IL16: variants seen among roughly 807,000 people sequenced by gnomAD.
IL16 encodes the protein interleukin 16.
A neutral mutation model predicts 110.1 loss-of-function variants in IL16; 67 were observed. The observed-to-expected ratio is 0.61, with a 90% confidence interval of 0.50 to 0.75. The LOEUF (loss-of-function observed/expected upper bound fraction) is 0.75. Among genes scored for constraint, IL16 ranks in the 30% least tolerant of loss-of-function variants. The probability of loss-of-function intolerance (pLI) is 0.00; values close to 1 mark genes in which losing one functional copy is unlikely to be tolerated. For synonymous variants in IL16, 689 were observed against 662.9 expected (o/e 1.04, Z -0.61); for missense variants, 1,545 against 1,655.0 (o/e 0.93, Z 1.15).
At position 81,265,642 on chromosome 15, in the gene IL16, T is replaced by G. The variant is rs374966425; in HGVS notation, c.422-17T>G. 7 of 1,612,238 alleles carry G rather than the reference T, an allele frequency of 4.3e-6. No homozygotes were observed. Among genetic ancestry groups the G allele is most frequent in the African/African-American group, 4.0e-5 (3 of 74,866 alleles). ...GAGCACAAATGATTTCTTGCTGTTT[T>G]TCCTCTTCTGGTTTAGGTGTTAATC... On this transcript the variant is annotated splice_polypyrimidine_tract_variant and intron_variant, in intron 3 of 18. Coordinates refer to ENST00000683961, the MANE Select transcript of IL16 (RefSeq NM_172217.5).
intron 1 of IL16, among the ~76,000 whole-genome samples, chr15:81,202,940 A>G (rs1895874114): frequency 6.6e-6 from 1 of 151,834 alleles, no homozygotes; most frequent in African/African-American, 2.4e-5. Flanking sequence ...CAGTCCCACC[A>G]ACAGTGTAAA....
intron 8 of IL16, among the ~76,000 whole-genome samples, chr15:81,281,400 C>T (rs1417915213): frequency 6.6e-6 from 1 of 152,238 alleles, no homozygotes; most frequent in Non-Finnish European, 1.5e-5. Flanking sequence ...TCCTCTCCCA[C>T]ACACTGGGGG....
chr15:81,298,717 C>T (rs929391440), intron 13 of IL16, among the ~76,000 whole-genome samples: 1 of 152,166 alleles, frequency 6.6e-6, no homozygotes, highest in East Asian at 1.9e-4. Flanking sequence ...ACTCCTTTGC[C>T]GAGAGCAAGC....
Position 81,273,218 on chromosome 15 carries a change from C to G in IL16, c.790+14C>G. 18 of 1,564,094 alleles carry G rather than the reference C, an allele frequency of 1.2e-5. No homozygotes were observed. The highest frequency in any genetic ancestry group is 1.5e-5 in the Non-Finnish European group (17 of 1,140,318). On this transcript the variant is annotated intron_variant, in intron 6 of 18. Coordinates refer to ENST00000683961, the MANE Select transcript of IL16 (RefSeq NM_172217.5). ...GGCTACAGGAAGGTAGGCTTCCCAG[C>G]CCTTTTCAGACCATGGTGGAGGAAT...
rs768441598 is a variant in IL16 at position 81,225,310 on chromosome 15, G to A, written c.-90G>A. 7 of 1,542,538 alleles carry A rather than the reference G, an allele frequency of 4.5e-6. No homozygotes were observed. The highest frequency in any genetic ancestry group is 6.1e-6 in the Non-Finnish European group (7 of 1,148,750). On this transcript the variant is annotated 5_prime_UTR_variant, in exon 2 of 19. The change creates a new upstream start codon in the 5' untranslated region. Transcript: ENST00000683961. ...CCTCTTTCCTCTAGGGACTCATGAA[G>A]TGGCAGCTAAGCCCTGTCCAGTGGC...
At chr15:81,226,144 C>T (rs769401429) in intron 2 of IL16, among the ~76,000 whole-genome samples, 1 of 152,084 alleles carries the variant, frequency 6.6e-6, no homozygotes, top group Non-Finnish European at 1.5e-5. Context: ...TAAGGGGTGC[C>T]GGATGAGTGA....
chr15:81,220,202 T>G (rs1896567318), intron 1 of IL16, among the ~76,000 whole-genome samples: 1 of 152,178 alleles, frequency 6.6e-6, no homozygotes, highest in African/African-American at 2.4e-5. Flanking sequence ...TGCTGTGATT[T>G]CGGCTCACTG....
At chr15:81,306,300 G>A in intron 17 of IL16, 120 bp from the exon 18 acceptor site, 1 of 1,530,514 alleles carries the variant, frequency 6.5e-7, no homozygotes, top group South Asian at 1.2e-5. Flanking sequence ...CCTGAGACGT[G>A]TTTACATGTG....
rs139501935 is a variant in IL16 at position 81,303,501 on chromosome 15, C to G, written c.3319-48C>G. 2.4e-3 allele frequency: 3,105 copies of G among 1,269,322 alleles called. 6 individuals carry two copies. Among genetic ancestry groups the G allele is most frequent in the Non-Finnish European group, 2.8e-3 (2,432 of 868,910 alleles). 78.6% of individuals were successfully genotyped at this position (1,269,322 alleles called of 1,614,324 possible). A position where few individuals can be genotyped will look rare whatever the true frequency, so the allele number is the denominator to read the frequency against. ...GATGTCAGTCCGATGTTAAATTGTT[C>G]ATCCTCTTGCAGTAAAATGTTTTTG... On this transcript the variant is annotated intron_variant, in intron 15 of 18. Coordinates refer to ENST00000683961, the MANE Select transcript of IL16 (RefSeq NM_172217.5). The surrounding 1 kb of genome is among the most constrained non-coding windows in gnomAD (Gnocchi z 4.1).
Position 81,219,859 on chromosome 15 carries a change from G to A in IL16, c.-101-5440G>A, listed in dbSNP as rs1509552. On this transcript the variant is annotated intron_variant, in intron 1 of 18. Transcript: ENST00000683961. ...AGGGCCTCTGAAACACTCATCTGCC[G>A]TTCATTCACTGAACATGCAAATGCC... is the stretch of plus-strand genomic sequence containing the variant. Among the ~76,000 whole-genome samples the A allele has an allele frequency of 7.5e-3, 1,138 of 152,220 alleles. 16 individuals are homozygous for A. Among genetic ancestry groups the A allele is most frequent in the African/African-American group, 0.024 (983 of 41,516 alleles).
Position 81,271,876 on chromosome 15 carries a change from G to A in IL16, c.676-1214G>A, listed in dbSNP as rs539718698. ...CTCCCTACAGTGTCAAGAAGATGGA[G>A]GACAGCGTGTTGTCTCTGTGGCACG... On this transcript the variant is annotated intron_variant, in intron 5 of 18. Transcript: ENST00000683961. 8.5e-5 allele frequency among the ~76,000 whole-genome samples: 13 copies of A among 152,324 alleles called. No homozygotes were observed. In the South Asian group the frequency reaches 2.7e-3, roughly 32 times the overall value.
intron 2 of IL16, among the ~76,000 whole-genome samples, chr15:81,237,884 A>G (rs1897224762): frequency 6.6e-6 from 1 of 151,250 alleles, no homozygotes; most frequent in African/African-American, 2.4e-5. Context: ...TCTTTATTTT[A>G]TTTTTTAATT....
chr15:81,311,614 A>G lies in IL16; in HGVS notation c.*2816A>G, dbSNP rs530984344. 42 of 152,356 alleles carry G rather than the reference A, an allele frequency of 2.8e-4. No individual in the cohort carries two copies. Among genetic ancestry groups the G allele is most frequent in the African/African-American group, 9.6e-4 (40 of 41,568 alleles). The allele number at this position is 152,356 out of a possible 1,614,324, so 9.4% of individuals were successfully genotyped here. ...ACACAGGGATGTACAAGGCGATCCC[A>G]TCTTGATAAGACCACCACCTCAGAG... On this transcript the variant is annotated 3_prime_UTR_variant, in exon 19 of 19. Coordinates refer to ENST00000683961, the MANE Select transcript of IL16 (RefSeq NM_172217.5).
chr15:81,233,459 C>CTGTGTGTG (rs5814049), intron 2 of IL16, among the ~76,000 whole-genome samples: 41 of 143,460 alleles, frequency 2.9e-4, no homozygotes, highest in Middle Eastern at 7.2e-3. Flanking sequence ...TCTTCTCTTT[C>CTGTGTGTG]TGTGTGTGTG....
In IL16 at chr15:81,299,431, T is replaced by G. The variant is rs758767705; in HGVS notation, c.2105T>G (p.Met702Arg). 1.2e-6 allele frequency: 2 copies of G among 1,614,160 alleles called. No individual in the cohort carries two copies. The highest frequency in any genetic ancestry group is 1.7e-6 in the Non-Finnish European group (2 of 1,180,044). The change falls in exon 14 of 19, where the codon ATG (methionine) becomes AGG (arginine). Residue 702 changes from methionine (M) to arginine (R), a missense_variant. Physicochemically the swap from Met to Arg is moderately conservative, Grantham distance 91. Coordinates refer to ENST00000683961, the MANE Select transcript of IL16 (RefSeq NM_172217.5). ...KHPLLKRQAR[M>R]DYSFDTTAED... ...CCACTGCTTAAGAGGCAGGCTCGGA[T>G]GGACTATAGCTTTGATACCACAGCC...
intron 6 of IL16, among the ~76,000 whole-genome samples, chr15:81,275,583 G>A (rs911341078): frequency 1.1e-4 from 16 of 152,066 alleles, no homozygotes; most frequent in African/African-American, 3.9e-4. Flanking sequence ...CAAGAAAAGA[G>A]AATATTGTGT....
rs191307785 is a variant in IL16 at position 81,225,416 on chromosome 15, G to A, written c.17G>A (p.Arg6His). The A allele has an allele frequency of 6.8e-5, 109 of 1,613,966 alleles. No individual in the cohort carries two copies. In the East Asian group the frequency reaches 7.6e-4, roughly 11 times the overall value. ...TCTTTGAGGATGGAGTCGCACAGCC[G>A]CGCTGGAAAGAGCAGAAAATCTGCA... MESHS[R>H]AGKSRKSAKF... The change falls in exon 2 of 19, where the codon CGC becomes CAC. Residue 6 changes from arginine (R) to histidine (H), a missense_variant. Arg to His is a conservative substitution (Grantham distance 29, BLOSUM62 0). Coordinates refer to ENST00000683961, the MANE Select transcript of IL16 (RefSeq NM_172217.5).
At chr15:81,210,298 G>A (rs768650303) in intron 1 of IL16, among the ~76,000 whole-genome samples, 9 of 152,122 alleles carry the variant, frequency 5.9e-5, no homozygotes, top group Non-Finnish European at 1.3e-4. Flanking sequence ...ATTGGGTCAT[G>A]TGATGTTCTT....
intron 1 of IL16, among the ~76,000 whole-genome samples, chr15:81,220,037 A>C: frequency 6.6e-6 from 1 of 152,250 alleles, no homozygotes; most frequent in East Asian, 1.9e-4. Flanking sequence ...ACCAGTTGGG[A>C]AACTGAGGCC....
Sources: allele counts gnomAD v4.1 joint callset (sites outside exome capture counted in the v4.1 genomes callset), GRCh38; gene constraint gnomAD v4.1.1; non-coding constraint Gnocchi (gnomAD v3.1); transcripts MANE v1.5; gene names NCBI Gene and HGNC (gene_info 2026-07-23, HGNC 2026-07-21).